Variants in NME8 observed in about 807,000 individuals in gnomAD.
NME8 encodes the protein NME/NM23 family member 8, also known as protein NME8.
Under a neutral mutation model 82.3 loss-of-function variants are expected in NME8, and 72 were observed. That is an observed-to-expected ratio of 0.87 (90% confidence interval 0.72 to 1.06). The LOEUF (loss-of-function observed/expected upper bound fraction) is 1.06, where lower values mean the gene tolerates loss of function less well. Among genes scored for constraint, NME8 ranks in the 50% least tolerant of loss-of-function variants. The pLI is 0.00. For missense variants in NME8, 712 were observed against 685.4 expected (o/e 1.04, Z -0.43); for synonymous variants, 267 against 228.5 (o/e 1.17, Z -1.52).
chr7:37,875,842 G>GA (rs1237501624), intron 11 of NME8, among the ~76,000 whole-genome samples: 1 of 151,966 alleles, frequency 6.6e-6, no homozygotes, highest in African/African-American at 2.4e-5. Context: ...AGGAGAACTG[G>GA]AAAAAATACC....
At chr7:37,858,848 A>C (rs1244954754) in intron 6 of NME8, among the ~76,000 whole-genome samples, 1 of 152,132 alleles carries the variant, frequency 6.6e-6, no homozygotes, top group East Asian at 1.9e-4. Context: ...TGTTTGGGTC[A>C]TTGGGGCGGA....
At chr7:37,871,797 G>A (rs558111244) in intron 11 of NME8, among the ~76,000 whole-genome samples, 2 of 152,006 alleles carry the variant, frequency 1.3e-5, no homozygotes, top group South Asian at 4.2e-4. Context: ...ATAGCTATAG[G>A]GAGCTTAATT....
At chr7:37,891,447 C>T (rs557746727) in intron 15 of NME8, among the ~76,000 whole-genome samples, 1 of 151,692 alleles carries the variant, frequency 6.6e-6, no homozygotes, top group East Asian at 1.9e-4. Context: ...GATAAACTCA[C>T]ATAATATGTT....
intron 5 of NME8, among the ~76,000 whole-genome samples, chr7:37,851,635 A>G (rs941095535): frequency 1.3e-5 from 2 of 152,180 alleles, no homozygotes; most frequent in African/African-American, 4.8e-5. Context: ...GTATCGGGTT[A>G]AGTAAAATTT....
At chr7:37,883,230 G>T (rs927566047) in intron 12 of NME8, among the ~76,000 whole-genome samples, 3 of 152,092 alleles carry the variant, frequency 2.0e-5, no homozygotes, top group African/African-American at 7.2e-5. Context: ...CTTGGGGATT[G>T]GTTGTCACTT....
intron 16 of NME8, 120 bp downstream of exon 16, chr7:37,894,730 T>C: frequency 1.0e-6 from 1 of 1,003,430 alleles, no homozygotes; most frequent in Non-Finnish European, 1.5e-6. Flanking sequence ...GAAAAGACAT[T>C]CTGCTAACAT....
intron 15 of NME8, among the ~76,000 whole-genome samples, chr7:37,894,098 C>A (rs747374950): frequency 4.6e-5 from 7 of 152,140 alleles, no homozygotes; most frequent in African/African-American, 7.2e-5. Flanking sequence ...GAGAAGAGTT[C>A]AGATTGGCTT....
intron 6 of NME8, among the ~76,000 whole-genome samples, chr7:37,860,409 A>G (rs1469020677): frequency 2.6e-5 from 4 of 152,166 alleles, no homozygotes; most frequent in Non-Finnish European, 2.9e-5. Flanking sequence ...ACTAAGTATA[A>G]TGGATATTGT....
At chr7:37,865,761 T>C in intron 10 of NME8, 144 bp downstream of exon 10, 5 of 654,322 alleles carry the variant, frequency 7.6e-6, no homozygotes, top group East Asian at 5.6e-5. Flanking sequence ...GTCCATATCA[T>C]GGAGATGCCA....
chr7:37,882,979 A>G (rs1784986095), intron 12 of NME8, among the ~76,000 whole-genome samples: 2 of 152,238 alleles, frequency 1.3e-5, no homozygotes, highest in South Asian at 2.1e-4. Flanking sequence ...TATTTTTTCA[A>G]TTTATCCGTT....
intron 12 of NME8, among the ~76,000 whole-genome samples, chr7:37,882,584 A>C (rs1307346215): frequency 1.8e-5 from 1 of 55,682 alleles, no homozygotes; most frequent in Non-Finnish European, 3.6e-5. Context: ...AGAAAGAAAG[A>C]AAGAAAGAAA....
intron 8 of NME8, 80 bp downstream of exon 8, chr7:37,863,542 C>T: frequency 1.2e-6 from 1 of 801,938 alleles, no homozygotes; most frequent in South Asian, 1.4e-5. Flanking sequence ...TTCAGCAAAA[C>T]ACTGGTAACA....
intron 15 of NME8, among the ~76,000 whole-genome samples, chr7:37,892,957 T>C (rs1232628615): frequency 6.6e-6 from 1 of 152,158 alleles, no homozygotes; most frequent in Non-Finnish European, 1.5e-5. Flanking sequence ...ATAAATTTTT[T>C]AATTAGCATA....
At chr7:37,872,190 A>G (rs904115359) in intron 11 of NME8, among the ~76,000 whole-genome samples, 2 of 152,224 alleles carry the variant, frequency 1.3e-5, no homozygotes, top group African/African-American at 4.8e-5. Flanking sequence ...AGAACTGAGT[A>G]GAATTATTGA....
chr7:37,882,686 T>C (rs1784982391), intron 12 of NME8, among the ~76,000 whole-genome samples: 1 of 151,268 alleles, frequency 6.6e-6, no homozygotes, highest in Non-Finnish European at 1.5e-5. Flanking sequence ...GTCAACAAGG[T>C]GTTCGGGGCT....
chr7:37,856,628 A>C (rs1032051982), intron 5 of NME8, among the ~76,000 whole-genome samples: 1 of 152,228 alleles, frequency 6.6e-6, no homozygotes, highest in Non-Finnish European at 1.5e-5. Context: ...ATAGTTGTTC[A>C]TAATTAATTT....
intron 12 of NME8, among the ~76,000 whole-genome samples, chr7:37,882,743 A>G (rs999083181): frequency 2.0e-5 from 3 of 152,210 alleles, no homozygotes; most frequent in African/African-American, 2.4e-5. Context: ...TGAAACTTCT[A>G]TGCAATTGCT....
At chr7:37,875,443 A>C (rs1054610350) in intron 11 of NME8, among the ~76,000 whole-genome samples, 4 of 148,082 alleles carry the variant, frequency 2.7e-5, no homozygotes, top group Non-Finnish European at 4.5e-5. Context: ...CATAGCCCCC[A>C]CACACATTGG....
chr7:37,873,884 T>G (rs752533263), intron 11 of NME8, among the ~76,000 whole-genome samples: 78 of 152,334 alleles, frequency 5.1e-4, no homozygotes, highest in Non-Finnish European at 1.2e-4. Flanking sequence ...TGATTTAAAA[T>G]TGCACTTGCA....
Sources: allele counts gnomAD v4.1 joint callset (sites outside exome capture counted in the v4.1 genomes callset), GRCh38; gene constraint gnomAD v4.1.1; transcripts MANE v1.5; gene names NCBI Gene and HGNC (gene_info 2026-07-23, HGNC 2026-07-21).